The following ZNF148 variants were observed in gnomAD, a reference collection of about 807,000 sequenced individuals.
The protein encoded by ZNF148 is Beta-Enolase Repressor Factor-1.
In ZNF148, 7 loss-of-function variants were observed where a neutral mutation model predicts 67.7. That is an observed-to-expected ratio of 0.10 (90% CI 0.06 to 0.19). The LOEUF is 0.19. Ranked by LOEUF, ZNF148 falls within the 10% of genes least tolerant of loss-of-function variation. The pLI is 1.00. For missense variants in ZNF148, 583 were observed against 947.1 expected (o/e 0.62, Z 5.05); for synonymous variants, 333 against 330.7 (o/e 1.01, Z -0.08).
intron 5 of ZNF148, among the ~76,000 whole-genome samples, chr3:125,281,539 T>A (rs542857102): frequency 6.6e-6 from 1 of 152,312 alleles, no homozygotes; most frequent in South Asian, 2.1e-4. Flanking sequence ...GCATAGCAAC[T>A]GCAAGGAAAG....
intron 7 of ZNF148, among the ~76,000 whole-genome samples, chr3:125,238,939 A>G (rs1316005352): frequency 6.6e-6 from 1 of 152,254 alleles, no homozygotes; most frequent in Non-Finnish European, 1.5e-5. Context: ...AGAAAAATGA[A>G]ATTATGATAC....
At position 125,267,801 on chromosome 3, in the gene ZNF148, G is replaced by A. The variant is rs936143281; in HGVS notation, c.667+9925C>T. On this transcript the variant is annotated intron_variant, in intron 7 of 8. Coordinates refer to ENST00000360647, the MANE Select transcript of ZNF148 (RefSeq NM_021964.3). ...GACACTCAAATTATCTCTCTTTGCT[G>A]ACCATATGATTCAGTATCTAGAAAG... 2.0e-5 allele frequency among the ~76,000 whole-genome samples: 3 copies of A among 152,248 alleles called. No individual in the cohort carries two copies. In the South Asian group the frequency reaches 6.2e-4, roughly 32 times the overall value.
intron 1 of ZNF148, among the ~76,000 whole-genome samples, chr3:125,339,920 T>A (rs1941646026): frequency 6.6e-6 from 1 of 152,190 alleles, no homozygotes; most frequent in Non-Finnish European, 1.5e-5. Flanking sequence ...TTATTTTCAA[T>A]GCTGAAATAA....
rs1340509054 is a variant in ZNF148 at position 125,331,182 on chromosome 3, G to A, written c.-177C>T. Reference sequence around the variant, plus strand: ...CCTCCATTAAATACGTTAGGCAAACGCCCATCCCGCCAGATCACGTGCTTG... The same window carrying A: ...CCTCCATTAAATACGTTAGGCAAACACCCATCCCGCCAGATCACGTGCTTG... On this transcript the variant is annotated 5_prime_UTR_variant, in exon 2 of 9. Coordinates refer to ENST00000360647, the MANE Select transcript of ZNF148 (RefSeq NM_021964.3). 2.0e-5 allele frequency: 8 copies of A among 398,340 alleles called. No individual in the cohort carries two copies. Among genetic ancestry groups the A allele is most frequent in the African/African-American group, 1.2e-4 (6 of 48,602 alleles). The allele number at this position is 398,340 out of a possible 1,614,324, so 24.7% of individuals were successfully genotyped here. A position where few individuals can be genotyped will look rare whatever the true frequency, so the allele number is the denominator to read the frequency against.
intron 4 of ZNF148, among the ~76,000 whole-genome samples, chr3:125,296,362 A>T (rs942975034): frequency 6.6e-6 from 1 of 152,116 alleles, no homozygotes; most frequent in Non-Finnish European, 1.5e-5. Context: ...GTCTCAAGAG[A>T]TCCACCCGCC....
rs149158628 is a variant in ZNF148, at chr3:125,234,435, C to G, written c.668-106G>C. 8 of 755,542 alleles carry G rather than the reference C, an allele frequency of 1.1e-5. No homozygotes were observed. In the Admixed American group the frequency reaches 1.9e-4, roughly 18 times the overall value. The allele number at this position is 755,542 out of a possible 1,614,324, so 46.8% of individuals were successfully genotyped here. On this transcript the variant is annotated intron_variant, in intron 7 of 8. Coordinates refer to ENST00000360647, the MANE Select transcript of ZNF148 (RefSeq NM_021964.3). ...AAATGGCTTTTGAAAGTTGTAACTT[C>G]CAATTTCATTTGTCAAATATATTTT...
chr3:125,305,193 G>C (rs1939809068), intron 4 of ZNF148, among the ~76,000 whole-genome samples: 1 of 152,068 alleles, frequency 6.6e-6, no homozygotes, highest in Non-Finnish European at 1.5e-5. Context: ...TAAAACTCAG[G>C]TGCTGCCTGT....
At chr3:125,260,070 C>T (rs1347732551) in intron 7 of ZNF148, among the ~76,000 whole-genome samples, 4 of 152,132 alleles carry the variant, frequency 2.6e-5, no homozygotes, top group Non-Finnish European at 5.9e-5. Context: ...ACACACAACA[C>T]TTATCGATTA....
intron 3 of ZNF148, 50 bp downstream of exon 3, chr3:125,323,259 T>C (rs1940863380): frequency 6.0e-6 from 3 of 497,548 alleles, no homozygotes; most frequent in African/African-American, 1.9e-5. Flanking sequence ...GACTTCATAT[T>C]TGAAAAAACT....
At chr3:125,273,775 G>A (rs545654823) in intron 7 of ZNF148, among the ~76,000 whole-genome samples, 19 of 152,136 alleles carry the variant, frequency 1.2e-4, no homozygotes, top group African/African-American at 3.6e-4. Context: ...CACCGCACCC[G>A]GCCGGGAGGA....
intron 4 of ZNF148, among the ~76,000 whole-genome samples, chr3:125,309,765 A>C (rs1007445244): frequency 1.3e-5 from 2 of 152,246 alleles, no homozygotes; most frequent in African/African-American, 4.8e-5. Context: ...TGAAAGATAC[A>C]CTGGAGAAGG....
chr3:125,233,668 G>C lies in ZNF148; in HGVS notation c.1058C>G (p.Thr353Ser). Residue 353 changes from threonine to serine, a missense_variant, in exon 9 of 9, where the codon ACT (threonine) becomes AGT (serine). Thr to Ser is a moderately conservative substitution (Grantham distance 58). Around this residue, in one of 5 missense-constraint regions of ZNF148, gnomAD observed 78 missense variants for 86.5 expected, o/e 0.90. Transcript: ENST00000360647. This position sits in a 1 kb window ranked among gnomAD's most constrained non-coding sequence, Gnocchi z 5.1. ...NDYLPLYSSS[T>S]KVKDEYMVAE... is the part of the protein sequence containing the mutation. Reference sequence around the variant, plus strand: ...AACCATATACTCATCTTTTACTTTAGTACTTGAAGAATAAAGAGGCAAGTA... The same window carrying C: ...AACCATATACTCATCTTTTACTTTACTACTTGAAGAATAAAGAGGCAAGTA... 2 of 1,613,858 alleles carry C rather than the reference G, an allele frequency of 1.2e-6. No individual in the cohort carries two copies. The highest frequency in any genetic ancestry group is 1.7e-6 in the Non-Finnish European group (2 of 1,179,902).
chr3:125,326,729 A>AATATACATATTTATATGTATATAT (rs1941037170), intron 2 of ZNF148, among the ~76,000 whole-genome samples: 2 of 145,254 alleles, frequency 1.4e-5, no homozygotes, highest in Admixed American at 6.9e-5. Context: ...TATGTATATA[A>AATATACATATTTATATGTATATAT]ATATACATAT....
At chr3:125,262,486 A>C (rs1348497419) in intron 7 of ZNF148, among the ~76,000 whole-genome samples, 1 of 152,224 alleles carries the variant, frequency 6.6e-6, no homozygotes, top group African/African-American at 2.4e-5. Context: ...ATAAAACAGC[A>C]TTTTGTGATT....
chr3:125,324,124 A>G (rs920852642), intron 2 of ZNF148, among the ~76,000 whole-genome samples: 2 of 152,272 alleles, frequency 1.3e-5, no homozygotes, highest in East Asian at 1.9e-4. Context: ...TGGCACATGT[A>G]TACATATGTA....
intron 1 of ZNF148, among the ~76,000 whole-genome samples, chr3:125,360,812 CT>C (rs1942512018): frequency 6.8e-6 from 1 of 147,370 alleles, no homozygotes. Context: ...GACCACATCT[CT>C]TTAAAAAAAA....
At chr3:125,291,636 C>G (rs1351547418) in intron 4 of ZNF148, among the ~76,000 whole-genome samples, 1 of 152,176 alleles carries the variant, frequency 6.6e-6, no homozygotes, top group Non-Finnish European at 1.5e-5. Context: ...ACACTACTAG[C>G]TACTTCTTCT....
intron 7 of ZNF148, among the ~76,000 whole-genome samples, chr3:125,237,790 T>C (rs529918085): frequency 1.3e-5 from 2 of 152,220 alleles, no homozygotes; most frequent in African/African-American, 4.8e-5. Flanking sequence ...AAACAGAAAT[T>C]GACGAACTAA....
At chr3:125,302,454 T>C (rs1939645524) in intron 4 of ZNF148, among the ~76,000 whole-genome samples, 1 of 152,106 alleles carries the variant, frequency 6.6e-6, no homozygotes. Context: ...CCTCCCTGCC[T>C]TATCAACAGG....
Sources: gnomAD v4.1 joint callset for allele counts (sites outside exome capture counted in the v4.1 genomes callset) on GRCh38, gnomAD v4.1.1 for gene constraint, gnomAD v4.1.1 regional missense constraint, Gnocchi (gnomAD v3.1) non-coding constraint, MANE v1.5 for transcripts, NCBI Gene and HGNC (gene_info 2026-07-23, HGNC 2026-07-21) for gene names.